PSMD11: variants seen among roughly 807,000 people sequenced by gnomAD.
PSMD11 encodes the protein proteasome 26S subunit, non-ATPase 11, also known as 26S proteasome non-ATPase regulatory subunit 11.
Under a neutral mutation model 62.3 loss-of-function variants are expected in PSMD11, and 5 were observed. That is an observed-to-expected ratio of 0.08 (90% CI 0.04 to 0.17). PSMD11 has a LOEUF of 0.17. Among genes scored for constraint, PSMD11 ranks in the 10% least tolerant of loss-of-function variants. The pLI, the probability that PSMD11 is intolerant of heterozygous loss-of-function variation, is 1.00. For synonymous variants in PSMD11, 191 were observed against 191.8 expected, an observed-to-expected ratio of 1.00 and a Z score of 0.03; for missense variants, 310 against 512.9, an observed-to-expected ratio of 0.60 and a Z score of 3.82.
At chr17:32,471,076 A>T (rs926937683) in intron 6 of PSMD11, among the ~76,000 whole-genome samples, 1 of 152,166 alleles carries the variant, frequency 6.6e-6, no homozygotes, top group Non-Finnish European at 1.5e-5. Flanking sequence ...ATGTATCTCG[A>T]TGTGAAAGAT....
At chr17:32,479,037 G>C (rs1360382698) in intron 9 of PSMD11, among the ~76,000 whole-genome samples, 1 of 152,176 alleles carries the variant, frequency 6.6e-6, no homozygotes, top group Non-Finnish European at 1.5e-5. Flanking sequence ...AGCCTCCCGA[G>C]TGACTGGGAC....
intron 2 of PSMD11, among the ~76,000 whole-genome samples, chr17:32,452,516 C>A (rs542142523): frequency 7.9e-5 from 12 of 152,246 alleles, no homozygotes; most frequent in Non-Finnish European, 1.5e-4. Flanking sequence ...GTAGATGACT[C>A]AGTACAGTTA....
intron 2 of PSMD11, among the ~76,000 whole-genome samples, chr17:32,451,827 C>T (rs1161180187): frequency 6.6e-6 from 1 of 152,176 alleles, no homozygotes. Flanking sequence ...CAGCCTCGAC[C>T]TCCTGGGCTC....
At chr17:32,476,889 C>G (rs1266689621) in intron 8 of PSMD11, 1 of 152,292 alleles carries the variant, frequency 6.6e-6, no homozygotes, top group African/African-American at 2.4e-5. Context: ...CTCAGCCTCC[C>G]AAGTAGCTGG....
Position 32,446,950 on chromosome 17 carries a change from C to T in PSMD11, c.97C>T (p.Arg33Cys), listed in dbSNP as rs1567850599. Residue 33 changes from arginine to cysteine, a missense_variant, in exon 2 of 14, where the codon CGT becomes TGT. Physicochemically the swap from Arg to Cys is radical, Grantham distance 180 (BLOSUM62 -3). This residue lies in a region of PSMD11 where 50 missense variants were observed against 94.4 expected (regional missense o/e 0.53). Coordinates refer to ENST00000261712, the MANE Select transcript of PSMD11 (RefSeq NM_002815.4). ...SIDILHSIVK[R>C]DIQENDEEAV... ...TTTGCATTTTCCTCTCCCAGTGAAG[C>T]GTGACATTCAGGAAAACGATGAAGA... 1 of 1,607,900 alleles carries T rather than the reference C, an allele frequency of 6.2e-7. No homozygotes were observed. Among genetic ancestry groups the T allele is most frequent in the Non-Finnish European group, 8.5e-7 (1 of 1,176,686 alleles).
At position 32,479,361 on chromosome 17, in the gene PSMD11, T is replaced by G; in HGVS notation, c.1023T>G (p.Pro341=). Residue 341 remains proline (P), a synonymous_variant, in exon 10 of 14, where the codon CCT becomes CCG. Transcript: ENST00000261712. ...LEQNLIRVIE[P]FSRVQIEHIS... is the part of the protein sequence containing the mutation. ...AGAATCTGATCCGAGTCATTGAGCC[T>G]TTTTCCAGAGTACAGGTGAGAACCC... The G allele has an allele frequency of 6.2e-7, 1 of 1,612,294 alleles. No individual in the cohort carries two copies. The highest frequency in any genetic ancestry group is 8.5e-7 in the Non-Finnish European group (1 of 1,178,884).
chr17:32,474,950 T>A, intron 8 of PSMD11, 126 bp downstream of exon 8: 2 of 884,572 alleles, frequency 2.3e-6, no homozygotes, highest in South Asian at 1.4e-5. Context: ...CCCACTCACT[T>A]CCTTCCCTTA....
intron 7 of PSMD11, among the ~76,000 whole-genome samples, chr17:32,474,382 A>C (rs562076159): frequency 3.3e-5 from 5 of 152,236 alleles, no homozygotes; most frequent in African/African-American, 4.8e-5. Context: ...GAATTATTCA[A>C]TTCTTTTGGG....
chr17:32,461,672 A>G (rs1369789238), intron 3 of PSMD11, among the ~76,000 whole-genome samples: 1 of 152,086 alleles, frequency 6.6e-6, no homozygotes, highest in African/African-American at 2.4e-5. Flanking sequence ...AGAAACATCT[A>G]TGATGACCTT....
At chr17:32,480,272 A>G (rs1484589214) in intron 12 of PSMD11, 75 bp downstream of exon 12, 1 of 1,561,146 alleles carries the variant, frequency 6.4e-7, no homozygotes, top group African/African-American at 1.4e-5. Flanking sequence ...TTCAAAGAAG[A>G]TGTTCTATTT....
At chr17:32,466,377 G>T (rs753413707) in intron 5 of PSMD11, among the ~76,000 whole-genome samples, 1 of 152,120 alleles carries the variant, frequency 6.6e-6, no homozygotes, top group Non-Finnish European at 1.5e-5. Flanking sequence ...TTGTATCTTT[G>T]TAGATTTGTC....
At chr17:32,454,297 C>A (rs1448226991) in intron 2 of PSMD11, among the ~76,000 whole-genome samples, 198 bp from the exon 3 acceptor site, 2 of 152,182 alleles carry the variant, frequency 1.3e-5, no homozygotes, top group Non-Finnish European at 2.9e-5. Context: ...GAACAGAATG[C>A]AAATTTGGTA....
intron 3 of PSMD11, among the ~76,000 whole-genome samples, chr17:32,460,512 C>T (rs750029968): frequency 2.0e-5 from 3 of 152,108 alleles, no homozygotes; most frequent in East Asian, 1.9e-4. Context: ...TGGTGGCTCA[C>T]GCCTGTGGTC....
intron 4 of PSMD11, 69 bp from the exon 5 acceptor site, chr17:32,464,452 C>T: frequency 7.8e-7 from 1 of 1,278,314 alleles, no homozygotes; most frequent in South Asian, 1.3e-5. Context: ...AGTTCTGTGA[C>T]TGTCAATCTT....
intron 6 of PSMD11, among the ~76,000 whole-genome samples, chr17:32,473,230 G>A (rs1908222534): frequency 6.6e-6 from 1 of 150,960 alleles, no homozygotes; most frequent in South Asian, 2.1e-4. Flanking sequence ...CTATCCTCCT[G>A]CCTCAGCCTC....
chr17:32,472,418 T>C (rs1200188669), intron 6 of PSMD11, among the ~76,000 whole-genome samples: 2 of 151,752 alleles, frequency 1.3e-5, no homozygotes, highest in African/African-American at 4.8e-5. Flanking sequence ...AGATGGCGTT[T>C]TGCCTTGTTG....
chr17:32,479,648 T>A (rs1908432410), intron 10 of PSMD11: 2 of 708,168 alleles, frequency 2.8e-6, no homozygotes, highest in Admixed American at 5.6e-5. Context: ...CTGTATTGGG[T>A]GTGTGGGATA....
chr17:32,445,594 A>G (rs1907309480), intron 1 of PSMD11: 1 of 152,236 alleles, frequency 6.6e-6, no homozygotes, highest in South Asian at 2.1e-4. Context: ...CTCATAAAGG[A>G]TTCAATTAGG....
chr17:32,479,300 C>A lies in PSMD11; in HGVS notation c.962C>A (p.Thr321Lys), dbSNP rs1176980251. 1 of 1,614,088 alleles carries A rather than the reference C, an allele frequency of 6.2e-7. No homozygotes were observed. The highest frequency in any genetic ancestry group is 8.5e-7 in the Non-Finnish European group (1 of 1,180,030). ...AELRDDPIIS[T>K]HLAKLYDNLL... is the part of the protein sequence containing the mutation. ...CTCCGGGATGACCCAATCATCAGCA[C>A]ACACTTGGCCAAGTTGTATGATAAC... Residue 321 changes from threonine to lysine, a missense_variant, in exon 10 of 14, where the codon ACA becomes AAA. Physicochemically the swap from Thr to Lys is moderately conservative, Grantham distance 78 (BLOSUM62 -1). This residue lies in a region of PSMD11 where 135 missense variants were observed against 195.4 expected (regional missense o/e 0.69). Transcript: ENST00000261712.
Sources: gnomAD v4.1 joint callset for allele counts (sites outside exome capture counted in the v4.1 genomes callset) on GRCh38, gnomAD v4.1.1 for gene constraint, gnomAD v4.1.1 regional missense constraint, MANE v1.5 for transcripts, NCBI Gene and HGNC (gene_info 2026-07-23, HGNC 2026-07-21) for gene names.